SAMD12: variants seen among roughly 807,000 people sequenced by gnomAD.
SAMD12 encodes the protein sterile alpha motif domain-containing protein 12.
Under a neutral mutation model 15.0 loss-of-function variants are expected in SAMD12, and 9 were observed. The ratio of observed to expected loss-of-function variants is 0.60; its 90% CI spans 0.36 to 1.05. SAMD12 has a LOEUF of 1.05. SAMD12 is among the 50% of genes least tolerant of loss of function. The pLI is 0.01. For synonymous variants in SAMD12, 86 were observed against 90.1 expected (o/e 0.96, Z 0.25); for missense variants, 230 against 234.2 (o/e 0.98, Z 0.12).
chr8:118,207,756 T>C (rs1246556303), intron 4 of SAMD12, among the ~76,000 whole-genome samples: 2 of 152,174 alleles, frequency 1.3e-5, no homozygotes, highest in Admixed American at 1.3e-4. Context: ...CTTATTTTAA[T>C]TTCAAGGGCT....
intron 4 of SAMD12, among the ~76,000 whole-genome samples, chr8:118,225,635 C>T (rs755651766): frequency 2.6e-5 from 4 of 152,092 alleles, no homozygotes; most frequent in South Asian, 2.1e-4. Flanking sequence ...GCATGTTAAG[C>T]GATTTAGGGA....
intron 2 of SAMD12, among the ~76,000 whole-genome samples, chr8:118,552,302 A>G (rs1246853407): frequency 6.6e-6 from 1 of 152,206 alleles, no homozygotes; most frequent in African/African-American, 2.4e-5. Flanking sequence ...AACCGAATCC[A>G]GCAGCACATC....
intron 2 of SAMD12, among the ~76,000 whole-genome samples, chr8:118,458,240 T>A (rs1240430437): frequency 6.6e-6 from 1 of 152,238 alleles, no homozygotes; most frequent in Non-Finnish European, 1.5e-5. Context: ...TTTAATAAGC[T>A]TCCCTTTTCA....
intron 2 of SAMD12, among the ~76,000 whole-genome samples, chr8:118,481,549 A>G (rs1824126855): frequency 6.6e-6 from 1 of 152,224 alleles, no homozygotes; most frequent in African/African-American, 2.4e-5. Context: ...GGAATAAGAA[A>G]GTAAGATCCT....
intron 4 of SAMD12, among the ~76,000 whole-genome samples, chr8:118,343,368 G>A (rs1817469094): frequency 6.9e-6 from 1 of 144,036 alleles, no homozygotes; most frequent in Non-Finnish European, 1.5e-5. Flanking sequence ...TTTGGAGGGG[G>A]GGAATCGTTT....
At chr8:118,406,499 C>A (rs1563835582) in intron 3 of SAMD12, among the ~76,000 whole-genome samples, 1 of 152,074 alleles carries the variant, frequency 6.6e-6, no homozygotes, top group Non-Finnish European at 1.5e-5. Flanking sequence ...GTCTCGAACA[C>A]CTGACCTCAG....
At chr8:118,583,746 C>T (rs1341829871) in intron 1 of SAMD12, among the ~76,000 whole-genome samples, 2 of 152,172 alleles carry the variant, frequency 1.3e-5, no homozygotes. Flanking sequence ...TTCAGAAAGC[C>T]TTTTAGGAGT....
chr8:118,324,043 T>C (rs1816443507), intron 4 of SAMD12, among the ~76,000 whole-genome samples: 2 of 152,182 alleles, frequency 1.3e-5, no homozygotes, highest in African/African-American at 2.4e-5. Flanking sequence ...TTAATCCCAT[T>C]ACCCAAAGAA....
At chr8:118,393,375 T>C (rs1234405196) in intron 3 of SAMD12, among the ~76,000 whole-genome samples, 1 of 102,412 alleles carries the variant, frequency 9.8e-6, no homozygotes, top group African/African-American at 4.3e-5. Flanking sequence ...GTTTTATATG[T>C]ATGTGTGTAT....
intron 4 of SAMD12, among the ~76,000 whole-genome samples, chr8:118,200,377 C>T (rs1320767223): frequency 7.3e-6 from 1 of 137,860 alleles, no homozygotes; most frequent in East Asian, 2.1e-4. Context: ...GCCCAATCAG[C>T]ACGATGAAGG....
In SAMD12 at chr8:118,336,859, T is replaced by C. The variant is rs546657576; in HGVS notation, c.433+42701A>G. 1.4e-4 allele frequency among the ~76,000 whole-genome samples: 21 copies of C among 152,332 alleles called. 1 individual carries two copies. The East Asian group carries it at 4.0e-3, about 29-fold the overall frequency. On this transcript the variant is annotated intron_variant, in intron 4 of 4. Transcript: ENST00000409003. ...AAAAAGGATGAGTTCATGTCCTTTG[T>C]AGGGACATGGATGAAGCTGGAAACC...
rs544152480 is a variant in SAMD12, at chr8:118,596,630, C to T, written c.14-15737G>A. On this transcript the variant is annotated intron_variant, in intron 1 of 3. Transcript: ENST00000314727. ...TACTTTAGGCATTGTTGATCACTGGCAAACTCCATGCTCTCCCTCCCTTGG... is the reference window on the plus strand; with the variant it reads ...TACTTTAGGCATTGTTGATCACTGGTAAACTCCATGCTCTCCCTCCCTTGG... Among the ~76,000 whole-genome samples, 3 of 152,290 alleles carry T rather than the reference C, an allele frequency of 2.0e-5. 1 individual carries two copies. In the South Asian group the frequency reaches 6.2e-4, roughly 32 times the overall value.
intron 2 of SAMD12, among the ~76,000 whole-genome samples, chr8:118,551,609 T>G (rs1346744772): frequency 7.3e-5 from 11 of 151,612 alleles, no homozygotes; most frequent in Middle Eastern, 6.8e-3. Context: ...ACATCACAAC[T>G]AAAAGAACTA....
the SAMD12 span, among the ~76,000 whole-genome samples, chr8:118,159,383 C>T: frequency 3.3e-5 from 5 of 152,182 alleles, no homozygotes; most frequent in African/African-American, 7.2e-5. Flanking sequence ...GCACAGTGGC[C>T]GGACCCCATG....
At chr8:118,178,406 C>T in the SAMD12 span, among the ~76,000 whole-genome samples, 1 of 152,248 alleles carries the variant, frequency 6.6e-6, no homozygotes, top group South Asian at 2.1e-4. Flanking sequence ...GGACAAAGTA[C>T]TTCCTGCAAA....
chr8:118,402,600 T>C (rs1820921637), intron 3 of SAMD12, among the ~76,000 whole-genome samples: 1 of 152,328 alleles, frequency 6.6e-6, no homozygotes, highest in South Asian at 2.1e-4. Context: ...ATCTATGGAA[T>C]GTCATTTAAC....
intron 4 of SAMD12, among the ~76,000 whole-genome samples, chr8:118,365,880 T>C (rs1327144197): frequency 6.6e-6 from 1 of 152,090 alleles, no homozygotes; most frequent in Non-Finnish European, 1.5e-5. Flanking sequence ...GAGATTTTCC[T>C]GATCCCTTAG....
chr8:118,162,271 C>T, the SAMD12 span, among the ~76,000 whole-genome samples: 1 of 145,346 alleles, frequency 6.9e-6, no homozygotes, highest in Non-Finnish European at 1.5e-5. Flanking sequence ...ATCTCGTGTG[C>T]CTTATAGATG....
intron 2 of SAMD12, among the ~76,000 whole-genome samples, chr8:118,534,188 T>C (rs537727760): frequency 6.6e-6 from 1 of 152,260 alleles, no homozygotes; most frequent in South Asian, 2.1e-4. Flanking sequence ...ATTTTATTTC[T>C]CCTTCACTTA....
Sources: gnomAD v4.1 joint callset for allele counts (sites outside exome capture counted in the v4.1 genomes callset) on GRCh38, gnomAD v4.1.1 for gene constraint, MANE v1.5 for transcripts, NCBI Gene and HGNC (gene_info 2026-07-23, HGNC 2026-07-21) for gene names.